Variants in LARP1B observed in about 807,000 individuals in gnomAD.
LARP1B encodes La ribonucleoprotein 1B, also known as la-related protein 1B.
Under a neutral mutation model 114.2 loss-of-function variants are expected in LARP1B, and 76 were observed. The observed-to-expected ratio is 0.67, with a 90% CI of 0.55 to 0.81. The LOEUF is 0.81. Ranked by LOEUF, LARP1B falls within the 30% of genes least tolerant of loss-of-function variation. LARP1B has a pLI of 0.00. For missense variants in LARP1B, 1,014 were observed against 1,075.8 expected (o/e 0.94, Z 0.80); for synonymous variants, 345 against 348.0 (o/e 0.99, Z 0.10).
intron 19 of LARP1B, among the ~76,000 whole-genome samples, chr4:128,209,057 A>C (rs961439604): frequency 6.6e-6 from 1 of 152,246 alleles, no homozygotes; most frequent in South Asian, 2.1e-4. Flanking sequence ...CTTGGAGCCA[A>C]GGAACCCAGC....
rs1174266918 is a variant in LARP1B, at chr4:128,112,466, A to ATTTTTTT, written c.989-2085_989-2079dup. Among the ~76,000 whole-genome samples, 79 of 69,294 alleles carry ATTTTTTT rather than the reference A, an allele frequency of 1.1e-3. 2 individuals carry two copies. The highest frequency in any genetic ancestry group is 1.5e-3 in the East Asian group (3 of 1,998). The allele number at this position is 69,294 out of a possible 152,430, so 45.5% of individuals were successfully genotyped here. On this transcript the variant is annotated intron_variant, in intron 9 of 19. Transcript: ENST00000326639. The stretch of plus-strand genomic sequence containing the variant: ...ACTGCATATAGCTAATGCTTACTCT[A>ATTTTTTT]TTTTTTTTTTTTTTTTTTTTTTTTT...
intron 1 of LARP1B, chr4:128,069,367 CA>C: frequency 1.3e-6 from 1 of 768,374 alleles, no homozygotes; most frequent in Non-Finnish European, 2.4e-6. Flanking sequence ...TGGTTAACAC[CA>C]TGATGGACAG....
At chr4:128,158,198 A>G (rs1215515353) in intron 11 of LARP1B, among the ~76,000 whole-genome samples, 1 of 152,170 alleles carries the variant, frequency 6.6e-6, no homozygotes, top group Non-Finnish European at 1.5e-5. Flanking sequence ...AGGTGCATTC[A>G]TAATCATAGT....
Position 128,077,928 on chromosome 4 carries a change from G to C in LARP1B, c.183G>C (p.Glu61Asp), listed in dbSNP as rs199651981. 52 of 1,610,412 alleles carry C rather than the reference G, an allele frequency of 3.2e-5. No individual in the cohort carries two copies. Among genetic ancestry groups the C allele is most frequent in the Non-Finnish European group, 3.9e-5 (46 of 1,178,986 alleles). ...KLNGPGENVSEDEAQSSNQRK... is the reference protein window; with the variant it reads ...KLNGPGENVSDDEAQSSNQRK... ...ATGGTCCTGGTGAAAACGTCAGTGA[G>C]GATGAGGCTCAGTCAAGTAATCAAC... Residue 61 changes from glutamate to aspartate, a missense_variant, in exon 4 of 20, where the codon GAG (glutamate) becomes GAC (aspartate). Transcript: ENST00000326639.
intron 7 of LARP1B, among the ~76,000 whole-genome samples, chr4:128,093,938 T>C (rs1776846018): frequency 6.6e-6 from 1 of 151,996 alleles, no homozygotes; most frequent in African/African-American, 2.4e-5. Context: ...CTCAAACTCC[T>C]GTCCTCAGGT....
At chr4:128,079,822 C>T (rs1769541855) in intron 4 of LARP1B, among the ~76,000 whole-genome samples, 1 of 152,138 alleles carries the variant, frequency 6.6e-6, no homozygotes, top group Non-Finnish European at 1.5e-5. Flanking sequence ...GCCTCAGCCT[C>T]CCAAAGTGCT....
intron 11 of LARP1B, 70 bp downstream of exon 11, chr4:128,122,258 T>C: frequency 6.4e-7 from 1 of 1,565,702 alleles, no homozygotes; most frequent in Non-Finnish European, 8.6e-7. Flanking sequence ...TTATATTTTC[T>C]CAAACTTGAG....
At chr4:128,082,570 C>G (rs1435453090) in intron 5 of LARP1B, among the ~76,000 whole-genome samples, 1 of 152,094 alleles carries the variant, frequency 6.6e-6, no homozygotes, top group Non-Finnish European at 1.5e-5. Flanking sequence ...CTCCCCTGCT[C>G]CAAGGATCCA....
At chr4:128,076,182 T>A (rs1767785648) in intron 3 of LARP1B, among the ~76,000 whole-genome samples, 1 of 152,052 alleles carries the variant, frequency 6.6e-6, no homozygotes, top group Admixed American at 6.6e-5. Context: ...TCTGGCTAAT[T>A]TTTGTATTTT....
At chr4:128,081,371 G>A (rs1363715556) in intron 4 of LARP1B, among the ~76,000 whole-genome samples, 6 of 135,990 alleles carry the variant, frequency 4.4e-5, no homozygotes, top group Non-Finnish European at 9.2e-5. Flanking sequence ...GAGCCACTGC[G>A]CCCGGCCTTT....
chr4:128,180,132 A>G (rs1282926050), intron 15 of LARP1B, among the ~76,000 whole-genome samples: 1 of 152,098 alleles, frequency 6.6e-6, no homozygotes, highest in Admixed American at 6.5e-5. Flanking sequence ...TTAAAATAAA[A>G]ATAGAGACAG....
intron 7 of LARP1B, chr4:128,093,056 A>G (rs942316794): frequency 2.0e-6 from 2 of 985,004 alleles, no homozygotes; most frequent in Admixed American, 1.2e-4. Flanking sequence ...TGTCCCTAGG[A>G]CACTGAGCAA....
chr4:128,086,725 G>A (rs1052455927), intron 5 of LARP1B, among the ~76,000 whole-genome samples: 3 of 152,144 alleles, frequency 2.0e-5, no homozygotes, highest in Non-Finnish European at 4.4e-5. Flanking sequence ...GAATACTGCT[G>A]TGTGTATTTC....
In LARP1B at chr4:128,074,443, C is replaced by G. The variant is rs963923007; in HGVS notation, c.-77-17C>G. 4.7e-6 allele frequency: 3 copies of G among 644,134 alleles called. No homozygotes were observed. The highest frequency in any genetic ancestry group is 1.5e-4 in the South Asian group (2 of 13,740). The allele number at this position is 644,134 out of a possible 1,614,324, so 39.9% of individuals were successfully genotyped here. On this transcript the variant is annotated splice_polypyrimidine_tract_variant and intron_variant, in intron 1 of 19. Transcript: ENST00000326639. Reference sequence around the variant, plus strand: ...GAATGAAGTAGTTGTAAAAACAATTCTATATATTTTCTTTAGAATTCGGTT... The same window carrying G: ...GAATGAAGTAGTTGTAAAAACAATTGTATATATTTTCTTTAGAATTCGGTT...
chr4:128,088,203 A>ATGATGATG (rs374010713), intron 5 of LARP1B, among the ~76,000 whole-genome samples: 2 of 150,844 alleles, frequency 1.3e-5, no homozygotes, highest in South Asian at 4.2e-4. Flanking sequence ...AATCAATAAT[A>ATGATGATG]ATGATGATGA....
intron 8 of LARP1B, among the ~76,000 whole-genome samples, chr4:128,102,091 A>G (rs988611367): frequency 6.6e-6 from 1 of 152,218 alleles, no homozygotes; most frequent in African/African-American, 2.4e-5. Flanking sequence ...AAATAATACC[A>G]CTATTGAAAA....
intron 11 of LARP1B, among the ~76,000 whole-genome samples, chr4:128,124,273 G>GA (rs141907555): frequency 6.6e-6 from 1 of 151,980 alleles, no homozygotes; most frequent in Admixed American, 6.5e-5. Flanking sequence ...TACTCTAAAA[G>GA]AAAAAAACAG....
chr4:128,142,765 A>G (rs1393344423), intron 11 of LARP1B, among the ~76,000 whole-genome samples: 1 of 151,766 alleles, frequency 6.6e-6, no homozygotes, highest in South Asian at 2.1e-4. Flanking sequence ...GCCTTGGCCT[A>G]CCAAAGTCCT....
At chr4:128,065,327 C>CCTTTCTTT (rs1561012881) in intron 1 of LARP1B, among the ~76,000 whole-genome samples, 1,298 of 112,868 alleles carry the variant, frequency 0.012, 32 homozygotes, top group Middle Eastern at 0.016. Flanking sequence ...CTCTCTCTCT[C>CCTTTCTTT]TCTCTTTCCT....
Sources: allele counts gnomAD v4.1 joint callset (sites outside exome capture counted in the v4.1 genomes callset), GRCh38; gene constraint gnomAD v4.1.1; transcripts MANE v1.5; gene names NCBI Gene and HGNC (gene_info 2026-07-23, HGNC 2026-07-21).